The following RPH3A variants were observed in gnomAD, a reference collection of about 807,000 sequenced individuals.
The protein encoded by RPH3A is rabphilin-3A.
Under a neutral mutation model 102.2 loss-of-function variants are expected in RPH3A, and 48 were observed. The observed-to-expected ratio is 0.47, with a 90% CI of 0.37 to 0.60. RPH3A has a LOEUF of 0.60. RPH3A is among the 20% of genes least tolerant of loss of function. The pLI is 0.00. For synonymous variants in RPH3A, 310 were observed against 324.3 expected (o/e 0.96, Z 0.47); for missense variants, 781 against 910.1 (o/e 0.86, Z 1.83).
chr12:112,738,743 G>A (rs36034432), intron 1 of RPH3A, among the ~76,000 whole-genome samples: 7,568 of 152,238 alleles, frequency 0.05, 244 homozygotes, highest in South Asian at 0.09. Context: ...TCACAGCAGA[G>A]CAGTTCAGCC....
intron 1 of RPH3A, among the ~76,000 whole-genome samples, chr12:112,763,895 G>A (rs369820715): frequency 2.0e-5 from 3 of 152,198 alleles, no homozygotes; most frequent in African/African-American, 7.2e-5. Context: ...TGAAGCAAGT[G>A]TGTGGTGGTC....
intron 15 of RPH3A, among the ~76,000 whole-genome samples, chr12:112,882,968 G>C (rs2042940390): frequency 6.6e-6 from 1 of 152,176 alleles, no homozygotes; most frequent in Non-Finnish European, 1.5e-5. Flanking sequence ...ATGGGAATGG[G>C]TGACTCTCAT....
intron 1 of RPH3A, among the ~76,000 whole-genome samples, chr12:112,617,342 C>T (rs1260378142): frequency 6.6e-6 from 1 of 152,154 alleles, no homozygotes; most frequent in Non-Finnish European, 1.5e-5. Flanking sequence ...TGGGGTGGCT[C>T]AGCATCCCCA....
intron 1 of RPH3A, among the ~76,000 whole-genome samples, chr12:112,734,826 A>G (rs1236783342): frequency 1.3e-5 from 2 of 152,126 alleles, no homozygotes; most frequent in Non-Finnish European, 2.9e-5. Context: ...AATCCATTAT[A>G]ATTAGTGTAT....
chr12:112,724,256 G>A (rs1453801216), intron 1 of RPH3A, among the ~76,000 whole-genome samples: 1 of 151,670 alleles, frequency 6.6e-6, no homozygotes, highest in Non-Finnish European at 1.5e-5. Context: ...GTAAAGACAG[G>A]GTCTCACTAT....
intron 1 of RPH3A, among the ~76,000 whole-genome samples, chr12:112,654,861 C>T (rs1311258053): frequency 6.6e-6 from 1 of 152,112 alleles, no homozygotes; most frequent in East Asian, 1.9e-4. Flanking sequence ...ATGAAGATCA[C>T]CAATAAAAGG....
At chr12:112,755,372 T>C (rs1172206107) in intron 1 of RPH3A, among the ~76,000 whole-genome samples, 6 of 151,872 alleles carry the variant, frequency 4.0e-5, no homozygotes, top group Admixed American at 6.6e-5. Context: ...TACACACATA[T>C]GTGTCCGTTT....
intron 1 of RPH3A, among the ~76,000 whole-genome samples, chr12:112,591,104 C>T (rs1447512137): frequency 6.6e-6 from 1 of 150,780 alleles, no homozygotes; most frequent in Non-Finnish European, 1.5e-5. Context: ...AGGTGTATGC[C>T]ACCACACCCA....
At chr12:112,878,365 A>C (rs528429512) in intron 13 of RPH3A, among the ~76,000 whole-genome samples, 2 of 152,324 alleles carry the variant, frequency 1.3e-5, no homozygotes, top group East Asian at 3.9e-4. Context: ...TGTTTATTAC[A>C]AACCTGTCTC....
At chr12:112,715,227 C>T (rs2040505429) in intron 1 of RPH3A, among the ~76,000 whole-genome samples, 1 of 152,204 alleles carries the variant, frequency 6.6e-6, no homozygotes, top group Admixed American at 6.5e-5. Context: ...TCCAGGTATT[C>T]ACTTGCCTAG....
intron 1 of RPH3A, among the ~76,000 whole-genome samples, chr12:112,737,780 G>A (rs1355199836): frequency 6.6e-6 from 1 of 152,174 alleles, no homozygotes; most frequent in Non-Finnish European, 1.5e-5. Context: ...TCCAATAACT[G>A]GAAAAAGACT....
intron 8 of RPH3A, 79 bp downstream of exon 8, chr12:112,868,674 C>T: frequency 6.8e-7 from 1 of 1,473,758 alleles, no homozygotes; most frequent in Non-Finnish European, 9.2e-7. Flanking sequence ...GGCCTGACAT[C>T]ATGTCTGTGT....
At chr12:112,586,976 T>A (rs921944641) in intron 1 of RPH3A, among the ~76,000 whole-genome samples, 1 of 152,228 alleles carries the variant, frequency 6.6e-6, no homozygotes, top group African/African-American at 2.4e-5. Context: ...ACTTGCTAGT[T>A]GTCTCTTCTT....
chr12:112,798,569 G>A (rs375077972), intron 2 of RPH3A, among the ~76,000 whole-genome samples: 26 of 152,174 alleles, frequency 1.7e-4, no homozygotes, highest in African/African-American at 3.1e-4. Flanking sequence ...ATGGTTTCTC[G>A]AAGTTCGTTG....
chr12:112,663,107 CGA>C (rs113192025), intron 1 of RPH3A, among the ~76,000 whole-genome samples: 24 of 129,504 alleles, frequency 1.9e-4, no homozygotes, highest in Middle Eastern at 3.8e-3. Context: ...AGAGAGAGAG[CGA>C]GAGAGAGAGA....
chr12:112,717,283 C>A (rs1216059891), intron 1 of RPH3A, among the ~76,000 whole-genome samples: 2 of 152,138 alleles, frequency 1.3e-5, no homozygotes, highest in African/African-American at 4.8e-5. Context: ...AGAACCACCA[C>A]CCCCATCCCA....
chr12:112,788,878 G>A (rs2041068391), upstream of RPH3A, among the ~76,000 whole-genome samples: 1 of 152,168 alleles, frequency 6.6e-6, no homozygotes, highest in African/African-American at 2.4e-5. Flanking sequence ...TATTGAGGCA[G>A]CCAGGTGTGG....
chr12:112,658,060 C>A (rs2136001348), intron 1 of RPH3A, among the ~76,000 whole-genome samples: 1 of 152,242 alleles, frequency 6.6e-6, no homozygotes, highest in Admixed American at 6.5e-5. Context: ...GGGCAGATTG[C>A]ACAGAGCCTT....
intron 2 of RPH3A, among the ~76,000 whole-genome samples, chr12:112,810,460 C>T (rs573717987): frequency 6.6e-6 from 1 of 152,338 alleles, no homozygotes; most frequent in Non-Finnish European, 1.5e-5. Context: ...GTTATCTGAT[C>T]AGACTTCAGA....
Sources: allele counts gnomAD v4.1 joint callset (sites outside exome capture counted in the v4.1 genomes callset), GRCh38; gene constraint gnomAD v4.1.1; transcripts MANE v1.5; gene names NCBI Gene and HGNC (gene_info 2026-07-23, HGNC 2026-07-21).